The following NSL1 variants were observed in gnomAD, a reference collection of about 807,000 sequenced individuals.
NSL1 encodes NSL1 component of MIS12 kinetochore complex.
A neutral mutation model predicts 25.4 loss-of-function variants in NSL1; 11 were observed. The observed-to-expected ratio is 0.43, with a 90% CI of 0.27 to 0.72. The LOEUF (loss-of-function observed/expected upper bound fraction) is 0.72, where lower values mean the gene tolerates loss of function less well. Ranked by LOEUF, NSL1 falls within the 30% of genes least tolerant of loss-of-function variation. The pLI is 0.19. For synonymous variants in NSL1, 118 were observed against 120.6 expected (o/e 0.98, Z 0.14); for missense variants, 330 against 342.7 (o/e 0.96, Z 0.29).
At position 212,731,825 on chromosome 1, in the gene NSL1, A is replaced by T. The variant is rs1204569587; in HGVS notation, c.*6583T>A. The T allele has an allele frequency of 1.0e-6, 1 of 985,260 alleles. No individual in the cohort carries two copies. Among genetic ancestry groups the T allele is most frequent in the Non-Finnish European group, 1.2e-6 (1 of 829,936 alleles). 61.0% of individuals were successfully genotyped at this position (985,260 alleles called of 1,614,324 possible). A position where few individuals can be genotyped will look rare whatever the true frequency, so the allele number is the denominator to read the frequency against. ...AAACATATGGATTGTACTGGTTGGC[A>T]CAGAAGCCTCCTCACTATCCCTGCC... On this transcript the variant is annotated 3_prime_UTR_variant, in exon 6 of 6. Coordinates refer to ENST00000366977, the MANE Select transcript of NSL1 (RefSeq NM_015471.4).
intron 4 of NSL1, among the ~76,000 whole-genome samples, chr1:212,764,843 C>CAAAAAAAAAAAAAAAAAAAAAAAA (rs3086471): frequency 4.9e-4 from 19 of 38,880 alleles, no homozygotes; most frequent in Admixed American, 1.1e-3. Flanking sequence ...AAGACTGTCT[C>CAAAAAAAAAAAAAAAAAAAAAAAA]AAAAAAAAAA....
At chr1:212,769,384 T>C (rs757520336) in intron 4 of NSL1, among the ~76,000 whole-genome samples, 3 of 152,100 alleles carry the variant, frequency 2.0e-5, no homozygotes, top group Admixed American at 6.5e-5. Flanking sequence ...TAAAGTTACA[T>C]AGAAGGGAAG....
intron 4 of NSL1, among the ~76,000 whole-genome samples, chr1:212,748,886 C>T (rs1289884630): frequency 6.6e-6 from 1 of 151,968 alleles, no homozygotes; most frequent in Non-Finnish European, 1.5e-5. Context: ...AAGCAGTGGC[C>T]CCAATTGTGA....
At chr1:212,788,782 T>C (rs912876688) in intron 1 of NSL1, among the ~76,000 whole-genome samples, 4 of 152,174 alleles carry the variant, frequency 2.6e-5, no homozygotes, top group Admixed American at 2.6e-4. Flanking sequence ...AAATAGACAA[T>C]ATTCATACCA....
At chr1:212,752,076 G>GT (rs1659090350) in intron 4 of NSL1, among the ~76,000 whole-genome samples, 1 of 152,162 alleles carries the variant, frequency 6.6e-6, no homozygotes, top group Non-Finnish European at 1.5e-5. Flanking sequence ...CAACAATGGT[G>GT]TTAAAGGAGC....
intron 4 of NSL1, among the ~76,000 whole-genome samples, chr1:212,767,050 C>G (rs1659853863): frequency 6.6e-6 from 1 of 152,154 alleles, no homozygotes; most frequent in African/African-American, 2.4e-5. Context: ...CAATTCCCAT[C>G]AAGATACCAC....
At position 212,791,675 on chromosome 1, in the gene NSL1, G is replaced by A. The variant is rs1225102155; in HGVS notation, c.89C>T (p.Ala30Val). Residue 30 changes from alanine to valine, a missense_variant, in exon 1 of 6, where the codon GCC (alanine) becomes GTC (valine). Physicochemically the swap from Ala to Val is moderately conservative, Grantham distance 64 (BLOSUM62 0). Coordinates refer to ENST00000366977, the MANE Select transcript of NSL1 (RefSeq NM_015471.4). ...CACCCGAAAGTCTTCTCGGGGAGTG[G>A]CGGAGACCAAGGCCTGGCTCTCTGT... ...AGTESQALVS[A>V]TPREDFRVRC... 3.1e-6 allele frequency: 5 copies of A among 1,613,940 alleles called. No homozygotes were observed. The highest frequency in any genetic ancestry group is 4.2e-6 in the Non-Finnish European group (5 of 1,180,026).
At chr1:212,765,553 G>T (rs1659764101) in intron 4 of NSL1, among the ~76,000 whole-genome samples, 1 of 152,174 alleles carries the variant, frequency 6.6e-6, no homozygotes, top group Non-Finnish European at 1.5e-5. Context: ...GGGCAGAGTG[G>T]CTTATGCCTA....
At chr1:212,776,736 A>C (rs1358339130) in intron 4 of NSL1, among the ~76,000 whole-genome samples, 1 of 129,870 alleles carries the variant, frequency 7.7e-6, no homozygotes, top group African/African-American at 3.1e-5. Flanking sequence ...CAACAACAAC[A>C]ACAAAAAAAA....
intron 4 of NSL1, among the ~76,000 whole-genome samples, chr1:212,749,915 C>T (rs1658985790): frequency 6.7e-6 from 1 of 149,528 alleles, no homozygotes; most frequent in South Asian, 2.2e-4. Flanking sequence ...TTGTGCTGGA[C>T]ATATGAGACA....
chr1:212,728,108 G>T lies in NSL1; in HGVS notation c.*10300C>A. ...TCTCCACCTCTTTCTCATGAAATGG[G>T]CGTGGTAATAGCCCTTAATTCATGG... On this transcript the variant is annotated 3_prime_UTR_variant, in exon 6 of 6. Transcript: ENST00000366977. The T allele has an allele frequency of 2.0e-6, 2 of 976,028 alleles. No homozygotes were observed. Among genetic ancestry groups the T allele is most frequent in the Non-Finnish European group, 2.4e-6 (2 of 821,432 alleles). 60.5% of individuals were successfully genotyped at this position (976,028 alleles called of 1,614,324 possible). A position where few individuals can be genotyped will look rare whatever the true frequency, so the allele number is the denominator to read the frequency against.
intron 4 of NSL1, among the ~76,000 whole-genome samples, chr1:212,751,296 T>A (rs1177113416): frequency 6.6e-6 from 1 of 152,150 alleles, no homozygotes; most frequent in Non-Finnish European, 1.5e-5. Context: ...ACATTCTCAA[T>A]CAATCTTATG....
At chr1:212,790,191 T>C (rs530410153) in intron 1 of NSL1, among the ~76,000 whole-genome samples, 65 of 152,048 alleles carry the variant, frequency 4.3e-4, no homozygotes, top group Non-Finnish European at 8.2e-4. Context: ...TTTTTTGTAT[T>C]ATTATTATTA....
Position 212,736,072 on chromosome 1 carries a change from C to CT in NSL1, c.*2335dup, listed in dbSNP as rs1571860066. ...TATTATTTTGAAACAGGGTCTCACT[C>CT]TGTCACCCAGGCTGGAGTACAGTGG... On this transcript the variant is annotated 3_prime_UTR_variant, in exon 6 of 6. Coordinates refer to ENST00000366977, the MANE Select transcript of NSL1 (RefSeq NM_015471.4). The CT allele has an allele frequency of 1.0e-6, 1 of 982,604 alleles. No homozygotes were observed. Among genetic ancestry groups the CT allele is most frequent in the African/African-American group, 1.7e-5 (1 of 57,302 alleles). 60.9% of individuals were successfully genotyped at this position (982,604 alleles called of 1,614,324 possible).
intron 1 of NSL1, among the ~76,000 whole-genome samples, chr1:212,789,012 AAGGAAG>A (rs1661062594): frequency 6.6e-6 from 1 of 152,190 alleles, no homozygotes; most frequent in African/African-American, 2.4e-5. Context: ...TATGTCCTAG[AAGGAAG>A]AGGGATGGGG....
intron 1 of NSL1, among the ~76,000 whole-genome samples, chr1:212,789,530 A>G (rs1661088057): frequency 6.6e-6 from 1 of 152,136 alleles, no homozygotes; most frequent in South Asian, 2.1e-4. Flanking sequence ...TTTTAAAATT[A>G]TTTTCTAGAA....
rs78691252 is a variant in NSL1 at position 212,737,977 on chromosome 1, A to C, written c.*431T>G. 5.2e-4 allele frequency: 513 copies of C among 987,914 alleles called. 1 individual carries two copies. In the African/African-American group the frequency reaches 8.1e-3, roughly 16 times the overall value. The allele number at this position is 987,914 out of a possible 1,614,324, so 61.2% of individuals were successfully genotyped here. On this transcript the variant is annotated 3_prime_UTR_variant, in exon 6 of 6. Coordinates refer to ENST00000366977, the MANE Select transcript of NSL1 (RefSeq NM_015471.4). ...GCATCTGCTGCTGTGCAGAACTGAT[A>C]ATTACTTTTCAGCATGTAAACGAAA...
At position 212,730,466 on chromosome 1, in the gene NSL1, T is replaced by C. The variant is rs1309690569; in HGVS notation, c.*7942A>G. 2.0e-6 allele frequency: 2 copies of C among 985,190 alleles called. No individual in the cohort carries two copies. The highest frequency in any genetic ancestry group is 1.2e-4 in the Admixed American group (2 of 16,246). 61.0% of individuals were successfully genotyped at this position (985,190 alleles called of 1,614,324 possible). On this transcript the variant is annotated 3_prime_UTR_variant, in exon 6 of 6. Coordinates refer to ENST00000366977, the MANE Select transcript of NSL1 (RefSeq NM_015471.4). ...CAACTAGGTATGAGCCCAAAGGCAC[T>C]GGAGCCATTCTCTGAGTAAGGCTAG... is the stretch of plus-strand genomic sequence containing the variant.
chr1:212,753,950 A>G (rs181437362), intron 4 of NSL1, among the ~76,000 whole-genome samples: 2 of 152,310 alleles, frequency 1.3e-5, no homozygotes, highest in Non-Finnish European at 2.9e-5. Flanking sequence ...GAAGATGTCA[A>G]ACTTGGGCAA....
Sources: allele counts gnomAD v4.1 joint callset (sites outside exome capture counted in the v4.1 genomes callset), GRCh38; gene constraint gnomAD v4.1.1; transcripts MANE v1.5; gene names NCBI Gene and HGNC (gene_info 2026-07-23, HGNC 2026-07-21).